The following NEGR1 variants were observed in gnomAD, a reference collection of about 807,000 sequenced individuals.
The protein encoded by NEGR1 is neuronal growth regulator 1.
In NEGR1, 10 loss-of-function variants were observed where a neutral mutation model predicts 40.9. The observed-to-expected ratio is 0.24, with a 90% CI of 0.15 to 0.42. NEGR1 has a LOEUF of 0.42. NEGR1 is among the 10% of genes least tolerant of loss of function. NEGR1 has a pLI of 1.00. For missense variants in NEGR1, 352 were observed against 438.9 expected (o/e 0.80, Z 1.77); for synonymous variants, 185 against 166.8 (o/e 1.11, Z -0.84).
At chr1:71,740,475 C>G (rs972674690) in intron 3 of NEGR1, among the ~76,000 whole-genome samples, 2 of 152,002 alleles carry the variant, frequency 1.3e-5, no homozygotes, top group African/African-American at 4.8e-5. Flanking sequence ...ATTTTCCTAA[C>G]GAGACACTAT....
chr1:71,819,766 A>T (rs1352546703), intron 2 of NEGR1, among the ~76,000 whole-genome samples: 1 of 152,040 alleles, frequency 6.6e-6, no homozygotes, highest in African/African-American at 2.4e-5. Context: ...TTGAAATGCT[A>T]GAATTGCCCT....
chr1:71,512,917 G>A (rs1352568547), intron 6 of NEGR1, among the ~76,000 whole-genome samples: 1 of 152,100 alleles, frequency 6.6e-6, no homozygotes. Flanking sequence ...AATAAAATAA[G>A]CTATAGGAAT....
At chr1:71,613,741 T>G (rs919963700) in intron 4 of NEGR1, among the ~76,000 whole-genome samples, 1 of 152,130 alleles carries the variant, frequency 6.6e-6, no homozygotes, top group Non-Finnish European at 1.5e-5. Flanking sequence ...TCTGCCAAGT[T>G]TTTAACATAC....
chr1:72,181,292 A>C (rs1018665423), intron 1 of NEGR1, among the ~76,000 whole-genome samples: 2 of 152,142 alleles, frequency 1.3e-5, no homozygotes, highest in African/African-American at 4.8e-5. Context: ...GGTTGGGCAG[A>C]ATGCTGCTAG....
intron 5 of NEGR1, among the ~76,000 whole-genome samples, chr1:71,596,197 T>C (rs1019142169): frequency 1.3e-5 from 2 of 152,218 alleles, no homozygotes; most frequent in Admixed American, 6.5e-5. Flanking sequence ...GGGAATATAG[T>C]TATAAGATCC....
intron 6 of NEGR1, among the ~76,000 whole-genome samples, chr1:71,469,039 T>G (rs918791703): frequency 1.1e-4 from 17 of 152,092 alleles, no homozygotes; most frequent in African/African-American, 4.1e-4. Flanking sequence ...CGTAAAGAGG[T>G]TGTACAATAT....
chr1:71,935,529 G>C (rs1025723437), intron 1 of NEGR1, among the ~76,000 whole-genome samples: 3 of 107,738 alleles, frequency 2.8e-5, no homozygotes, highest in African/African-American at 1.0e-4. Flanking sequence ...TGTGTAGTGT[G>C]TGTGTGTGTG....
At chr1:71,551,780 A>G (rs1648082300) in intron 6 of NEGR1, among the ~76,000 whole-genome samples, 1 of 151,468 alleles carries the variant, frequency 6.6e-6, no homozygotes, top group South Asian at 2.1e-4. Context: ...TCATCCTGGG[A>G]AGATGATCTT....
At chr1:71,485,391 AC>A (rs1329981942) in intron 6 of NEGR1, among the ~76,000 whole-genome samples, 1 of 151,492 alleles carries the variant, frequency 6.6e-6, no homozygotes, top group African/African-American at 2.4e-5. Flanking sequence ...CAACATCCCC[AC>A]CAGAGTGGTA....
intron 1 of NEGR1, among the ~76,000 whole-genome samples, chr1:72,017,305 A>C (rs1226613980): frequency 6.6e-6 from 1 of 152,110 alleles, no homozygotes; most frequent in Admixed American, 6.5e-5. Context: ...TAGGCGCTAG[A>C]TTCAATATCA....
At chr1:72,190,725 A>G (rs1469071280) in intron 1 of NEGR1, among the ~76,000 whole-genome samples, 1 of 151,616 alleles carries the variant, frequency 6.6e-6, no homozygotes, top group East Asian at 1.9e-4. Flanking sequence ...TTGATAATGT[A>G]CCTGAATAGC....
intron 6 of NEGR1, among the ~76,000 whole-genome samples, chr1:71,589,909 C>A: frequency 6.6e-6 from 1 of 152,134 alleles, no homozygotes; most frequent in East Asian, 1.9e-4. Flanking sequence ...ACTCTCTCAT[C>A]TTCATCGTGT....
At chr1:71,539,033 T>C (rs1332328647) in intron 6 of NEGR1, among the ~76,000 whole-genome samples, 1 of 151,730 alleles carries the variant, frequency 6.6e-6, no homozygotes, top group Non-Finnish European at 1.5e-5. Flanking sequence ...AGCATAGTGG[T>C]TGATAATAGA....
chr1:72,216,339 G>A (rs1653808999), intron 1 of NEGR1, among the ~76,000 whole-genome samples: 1 of 139,442 alleles, frequency 7.2e-6, no homozygotes, highest in African/African-American at 2.9e-5. Flanking sequence ...AAACCTGCAG[G>A]TTCTGCACAT....
chr1:71,965,055 C>G (rs1055385232), intron 1 of NEGR1, among the ~76,000 whole-genome samples: 2 of 152,064 alleles, frequency 1.3e-5, no homozygotes, highest in Middle Eastern at 3.2e-3. Flanking sequence ...TAAAAGCTGA[C>G]CCAGACCCAA....
At chr1:72,272,452 T>G (rs1027856796) in intron 1 of NEGR1, among the ~76,000 whole-genome samples, 2 of 151,966 alleles carry the variant, frequency 1.3e-5, no homozygotes, top group African/African-American at 2.4e-5. Flanking sequence ...ATTCTATTTA[T>G]TAAATTAGAA....
At chr1:71,436,861 C>T (rs74089335) in intron 6 of NEGR1, among the ~76,000 whole-genome samples, 7,617 of 152,142 alleles carry the variant, frequency 0.05, 400 homozygotes, top group African/African-American at 0.13. Flanking sequence ...ATAGTGTATA[C>T]AATACATATA....
chr1:72,069,292 CT>C (rs1647363584), intron 1 of NEGR1, among the ~76,000 whole-genome samples: 1 of 151,694 alleles, frequency 6.6e-6, no homozygotes, highest in South Asian at 2.1e-4. Flanking sequence ...AATAAAAAAA[CT>C]CATAGCCAGG....
intron 3 of NEGR1, among the ~76,000 whole-genome samples, chr1:71,731,034 C>T (rs1459850977): frequency 6.6e-6 from 1 of 151,578 alleles, no homozygotes; most frequent in South Asian, 2.1e-4. Flanking sequence ...TTTTTTGTTC[C>T]TAATAAGCAT....
Sources: gnomAD v4.1 joint callset for allele counts (sites outside exome capture counted in the v4.1 genomes callset) on GRCh38, gnomAD v4.1.1 for gene constraint, MANE v1.5 for transcripts, NCBI Gene and HGNC (gene_info 2026-07-23, HGNC 2026-07-21) for gene names.